The following FGF12 variants were observed in gnomAD, a reference collection of about 807,000 sequenced individuals.
FGF12 encodes fibroblast growth factor 12B.
Under a neutral mutation model 23.6 loss-of-function variants are expected in FGF12, and 14 were observed. That is an observed-to-expected ratio of 0.59 (90% CI 0.39 to 0.93). The LOEUF (loss-of-function observed/expected upper bound fraction) is 0.93, where lower values mean the gene tolerates loss of function less well. Among genes scored for constraint, FGF12 ranks in the 40% least tolerant of loss-of-function variants. The pLI is 0.00. For synonymous variants in FGF12, 62 were observed against 77.3 expected, an observed-to-expected ratio of 0.80 and a Z score of 1.04; for missense variants, 175 against 217.8, an observed-to-expected ratio of 0.80 and a Z score of 1.24.
At chr3:192,511,743 G>C (rs1432109301) in intron 2 of FGF12, among the ~76,000 whole-genome samples, 2 of 152,008 alleles carry the variant, frequency 1.3e-5, no homozygotes, top group African/African-American at 4.8e-5. Context: ...AATCATAAGA[G>C]ACCCAGAATT....
At chr3:192,301,005 G>A (rs868745079) in intron 4 of FGF12, among the ~76,000 whole-genome samples, 2 of 152,078 alleles carry the variant, frequency 1.3e-5, no homozygotes, top group African/African-American at 2.4e-5. Context: ...TGCCTCAAAG[G>A]AAAAGAAAAT....
intron 2 of FGF12, among the ~76,000 whole-genome samples, chr3:192,524,359 T>C (rs1330064681): frequency 6.6e-6 from 1 of 152,216 alleles, no homozygotes; most frequent in Non-Finnish European, 1.5e-5. Flanking sequence ...AAAATAAGCA[T>C]TGCCTTTACA....
At chr3:192,526,154 T>TC (rs1553825706) in intron 2 of FGF12, among the ~76,000 whole-genome samples, 1 of 152,196 alleles carries the variant, frequency 6.6e-6, no homozygotes, top group Non-Finnish European at 1.5e-5. Flanking sequence ...TCTTTCTTCT[T>TC]CCAGTGAGTT....
chr3:192,427,077 G>A (rs1721709188), intron 2 of FGF12, among the ~76,000 whole-genome samples: 1 of 152,084 alleles, frequency 6.6e-6, no homozygotes, highest in Non-Finnish European at 1.5e-5. Context: ...CGTTTGTAGA[G>A]CACTATAAGA....
intron 3 of FGF12, among the ~76,000 whole-genome samples, chr3:192,358,174 T>C (rs1239530818): frequency 2.6e-5 from 4 of 151,992 alleles, no homozygotes; most frequent in Non-Finnish European, 4.4e-5. Flanking sequence ...ATATGAGACA[T>C]ACAAAATTCC....
At chr3:192,285,381 A>G (rs950153893) in intron 4 of FGF12, among the ~76,000 whole-genome samples, 4 of 152,080 alleles carry the variant, frequency 2.6e-5, no homozygotes, top group Non-Finnish European at 5.9e-5. Flanking sequence ...TCAAGCAAAT[A>G]TCTTCACATC....
intron 3 of FGF12, among the ~76,000 whole-genome samples, chr3:192,339,442 C>T (rs1313615675): frequency 1.3e-5 from 2 of 152,160 alleles, no homozygotes; most frequent in Non-Finnish European, 2.9e-5. Context: ...TCCTCCCTGT[C>T]TCCAATGTCC....
intron 2 of FGF12, among the ~76,000 whole-genome samples, chr3:192,690,841 T>G (rs1322024876): frequency 6.6e-6 from 1 of 151,956 alleles, no homozygotes; most frequent in Non-Finnish European, 1.5e-5. Flanking sequence ...ATACACAGAC[T>G]GAAGATATTT....
intron 2 of FGF12, among the ~76,000 whole-genome samples, chr3:192,404,820 C>T (rs1444526555): frequency 3.9e-5 from 6 of 152,192 alleles, no homozygotes; most frequent in Admixed American, 6.5e-5. Flanking sequence ...TAATGCTATA[C>T]GGTGGTCATT....
At chr3:192,716,596 G>A (rs892009337) in intron 2 of FGF12, among the ~76,000 whole-genome samples, 1 of 152,134 alleles carries the variant, frequency 6.6e-6, no homozygotes, top group Admixed American at 6.6e-5. Context: ...AGGAATCTTA[G>A]GGATTTTAAG....
intron 4 of FGF12, among the ~76,000 whole-genome samples, chr3:192,295,255 G>A (rs1195001718): frequency 6.6e-6 from 1 of 152,094 alleles, no homozygotes; most frequent in Non-Finnish European, 1.5e-5. Flanking sequence ...ACTAGTAATT[G>A]GATTTCCGCA....
intron 4 of FGF12, among the ~76,000 whole-genome samples, chr3:192,216,179 C>G (rs577382276): frequency 6.6e-6 from 1 of 152,288 alleles, no homozygotes; most frequent in Non-Finnish European, 1.5e-5. Context: ...AAAACACCAT[C>G]TCCTCCCATT....
At chr3:192,148,334 G>T (rs1417017642) in intron 5 of FGF12, among the ~76,000 whole-genome samples, 4 of 152,200 alleles carry the variant, frequency 2.6e-5, no homozygotes, top group Non-Finnish European at 4.4e-5. Context: ...AAGAAATTCT[G>T]CTAGGTGAAA....
At chr3:192,592,095 C>A (rs926990892) in intron 2 of FGF12, among the ~76,000 whole-genome samples, 2 of 151,716 alleles carry the variant, frequency 1.3e-5, no homozygotes, top group African/African-American at 4.8e-5. Flanking sequence ...CCCTGTATAC[C>A]TGGATACTTT....
At chr3:192,724,734 AAT>A (rs1256458475) in intron 2 of FGF12, among the ~76,000 whole-genome samples, 2 of 152,172 alleles carry the variant, frequency 1.3e-5, no homozygotes, top group Non-Finnish European at 2.9e-5. Context: ...AGGAAGCAAA[AAT>A]AAATTGATCT....
intron 2 of FGF12, among the ~76,000 whole-genome samples, chr3:192,706,646 TC>T (rs1444596821): frequency 6.6e-6 from 1 of 151,872 alleles, no homozygotes; most frequent in Non-Finnish European, 1.5e-5. Context: ...TCTCCTTGAA[TC>T]CCCGCCGCAA....
At chr3:192,665,534 C>T (rs1716835665) in intron 2 of FGF12, among the ~76,000 whole-genome samples, 1 of 142,524 alleles carries the variant, frequency 7.0e-6, no homozygotes, top group African/African-American at 2.6e-5. Flanking sequence ...ACCGCATGTT[C>T]TCATAAGTAG....
intron 2 of FGF12, among the ~76,000 whole-genome samples, chr3:192,588,780 C>T (rs1021697404): frequency 6.6e-6 from 1 of 151,974 alleles, no homozygotes; most frequent in African/African-American, 2.4e-5. Context: ...TTTGAGTTCA[C>T]TTTCCACTAC....
intron 2 of FGF12, among the ~76,000 whole-genome samples, chr3:192,467,160 T>C (rs1289277741): frequency 1.3e-5 from 2 of 152,196 alleles, no homozygotes; most frequent in Non-Finnish European, 2.9e-5. Flanking sequence ...GTTATTCAAA[T>C]TTTGTAGTAT....
Sources: allele counts gnomAD v4.1 joint callset (sites outside exome capture counted in the v4.1 genomes callset), GRCh38; gene constraint gnomAD v4.1.1; transcripts MANE v1.5; gene names NCBI Gene and HGNC (gene_info 2026-07-23, HGNC 2026-07-21).